The following TRIM51G variants were observed in gnomAD, a reference collection of about 807,000 sequenced individuals.
TRIM51G encodes tripartite motif-containing 51G.
At chr11:48,982,220 C>CA in the TRIM51G span, among the ~76,000 whole-genome samples, 1 of 152,076 alleles carries the variant, frequency 6.6e-6, no homozygotes, top group Non-Finnish European at 1.5e-5. Flanking sequence ...AAAAAGACAA[C>CA]AATTAAACCA....
At chr11:48,975,869 G>T in the TRIM51G span, 1 of 907,122 alleles carries the variant, frequency 1.1e-6, no homozygotes, top group Non-Finnish European at 1.8e-6. Context: ...GCCCCCCATT[G>T]AAGAAAACAT....
the TRIM51G span, chr11:48,975,556 A>C: frequency 2.2e-6 from 3 of 1,384,906 alleles, no homozygotes; most frequent in Non-Finnish European, 3.1e-6. Context: ...GCAATTAGGG[A>C]TGGTGTATAT....
the TRIM51G span, among the ~76,000 whole-genome samples, chr11:48,983,777 A>G: frequency 1.3e-5 from 2 of 152,136 alleles, no homozygotes; most frequent in African/African-American, 4.8e-5. Flanking sequence ...TAATTCTTCC[A>G]AGAAAAAATT....
At chr11:48,979,032 T>C in the TRIM51G span, 1 of 1,075,528 alleles carries the variant, frequency 9.3e-7, no homozygotes, top group Non-Finnish European at 1.5e-6. Context: ...ACGTTGCTCT[T>C]CTTCATGGAA....
the TRIM51G span, among the ~76,000 whole-genome samples, chr11:48,978,606 C>T: frequency 2.6e-5 from 4 of 152,142 alleles, no homozygotes; most frequent in Admixed American, 2.0e-4. Flanking sequence ...ATATCACTGA[C>T]TTTTGATGAG....
the TRIM51G span, chr11:48,977,158 C>CA: frequency 7.6e-7 from 1 of 1,320,202 alleles, no homozygotes. Context: ...CAGGCTCAGA[C>CA]ACTTGCAGCA....
chr11:48,978,012 A>T, the TRIM51G span: 130 of 449,860 alleles, frequency 2.9e-4, no homozygotes, highest in African/African-American at 2.5e-3. Flanking sequence ...GGGGTGGGGG[A>T]TGGAGAAAGT....
the TRIM51G span, chr11:48,975,613 C>G: frequency 7.1e-7 from 1 of 1,398,822 alleles, no homozygotes; most frequent in Non-Finnish European, 1.0e-6. Flanking sequence ...CCTACCTTCA[C>G]AATCCAGGAA....
the TRIM51G span, among the ~76,000 whole-genome samples, chr11:48,976,682 C>A: frequency 6.6e-6 from 1 of 151,960 alleles, no homozygotes; most frequent in Non-Finnish European, 1.5e-5. Flanking sequence ...AATACTAATA[C>A]TCCAACAAAC....
At chr11:48,976,982 T>A in the TRIM51G span, 1 of 609,252 alleles carries the variant, frequency 1.6e-6, no homozygotes, top group South Asian at 1.6e-5. Context: ...GTTCACTTCC[T>A]GCTGAAATGA....
chr11:48,982,522 C>A, the TRIM51G span, among the ~76,000 whole-genome samples: 1 of 151,972 alleles, frequency 6.6e-6, no homozygotes, highest in Non-Finnish European at 1.5e-5. Flanking sequence ...AACAGCAACC[C>A]TCAATGTGGG....
the TRIM51G span, among the ~76,000 whole-genome samples, chr11:48,979,802 C>CAG: frequency 6.8e-6 from 1 of 147,550 alleles, no homozygotes; most frequent in Non-Finnish European, 1.5e-5. Context: ...CATATATATC[C>CAG]ATATATATAT....
chr11:48,975,935 T>C, the TRIM51G span: 10 of 736,968 alleles, frequency 1.4e-5, no homozygotes, highest in South Asian at 1.2e-4. Context: ...ACCTTCATGC[T>C]TCTCAAATCT....
At chr11:48,976,960 T>C in the TRIM51G span, 11 of 566,550 alleles carry the variant, frequency 1.9e-5, no homozygotes, top group Admixed American at 1.2e-4. Context: ...AAAAGTGTTG[T>C]ATCGTCATAT....
the TRIM51G span, among the ~76,000 whole-genome samples, chr11:48,976,650 T>G: frequency 6.6e-6 from 1 of 152,074 alleles, no homozygotes; most frequent in Non-Finnish European, 1.5e-5. Flanking sequence ...TTTACATCAA[T>G]AATATATATT....
chr11:48,978,218 C>T, the TRIM51G span: 2 of 528,626 alleles, frequency 3.8e-6, no homozygotes, highest in Admixed American at 2.0e-5. Context: ...CAACTAAGTT[C>T]ATTGTGTGAT....
the TRIM51G span, chr11:48,980,950 G>T: frequency 5.9e-6 from 3 of 507,672 alleles, no homozygotes; most frequent in South Asian, 3.0e-5. Flanking sequence ...AGGTTTCTGT[G>T]ATTTTCACAC....
the TRIM51G span, among the ~76,000 whole-genome samples, chr11:48,983,728 G>A: frequency 0.024 from 3,720 of 151,954 alleles, 153 homozygotes; most frequent in African/African-American, 0.085. Flanking sequence ...CTCCATATAA[G>A]TTGCACTCAC....
chr11:48,975,837 T>C, the TRIM51G span: 4 of 1,292,856 alleles, frequency 3.1e-6, no homozygotes, highest in Non-Finnish European at 4.4e-6. Flanking sequence ...CCCAATAAAA[T>C]TTGCCAGATA....
Sources: gnomAD v4.1 joint callset for allele counts (sites outside exome capture counted in the v4.1 genomes callset) on GRCh38, gnomAD v4.1.1 for gene constraint, MANE v1.5 for transcripts, NCBI Gene and HGNC (gene_info 2026-07-23, HGNC 2026-07-21) for gene names.